Variants in VPS26C observed in about 807,000 individuals in gnomAD.
VPS26C encodes the protein VPS26 endosomal protein sorting factor C, also known as vacuolar protein sorting-associated protein 26C.
Under a neutral mutation model 30.6 loss-of-function variants are expected in VPS26C, and 19 were observed. The ratio of observed to expected loss-of-function variants is 0.62; its 90% CI spans 0.43 to 0.91. The LOEUF (loss-of-function observed/expected upper bound fraction) is 0.91, where lower values mean the gene tolerates loss of function less well. Ranked by LOEUF, VPS26C falls within the 40% of genes least tolerant of loss-of-function variation. The probability of loss-of-function intolerance (pLI) is 0.00; values close to 1 mark genes in which losing one functional copy is unlikely to be tolerated. For synonymous variants in VPS26C, 132 were observed against 151.5 expected (o/e 0.87, Z 0.95); for missense variants, 318 against 385.1 (o/e 0.83, Z 1.46).
At chr21:37,234,098 G>A (rs915872307) in intron 3 of VPS26C, among the ~76,000 whole-genome samples, 2 of 152,238 alleles carry the variant, frequency 1.3e-5, no homozygotes, top group Non-Finnish European at 1.5e-5. Flanking sequence ...GGGCACCAGA[G>A]CCAAGCTCAA....
Position 37,227,635 on chromosome 21 carries a change from G to A in VPS26C, c.811+19C>T. On this transcript the variant is annotated intron_variant, in intron 7 of 7. Transcript: ENST00000309117. ...CCTTCCCATGGGCCCATGAGGGCTG[G>A]GAGGCGAGTGCCACTTACCCACTTT... is the stretch of plus-strand genomic sequence containing the variant. 6.9e-7 allele frequency: 1 copy of A among 1,458,812 alleles called. No homozygotes were observed. The allele number at this position is 1,458,812 out of a possible 1,614,324, so 90.4% of individuals were successfully genotyped here.
At chr21:37,238,736 C>T in intron 2 of VPS26C, 127 bp from the exon 3 acceptor site, 1 of 1,070,932 alleles carries the variant, frequency 9.3e-7, no homozygotes, top group Non-Finnish European at 1.3e-6. Context: ...TCTTCGGCAG[C>T]TCTGCGCTGG....
At chr21:37,241,316 A>G (rs1321869519) in intron 1 of VPS26C, among the ~76,000 whole-genome samples, 3 of 152,182 alleles carry the variant, frequency 2.0e-5, no homozygotes, top group African/African-American at 2.4e-5. Context: ...AGACTTCACA[A>G]CAGATCATCT....
chr21:37,267,351 GGGGCGCCTCCCCGCTTCGTTCT>G (rs554418774), upstream of VPS26C: 1,844 of 1,519,564 alleles, frequency 1.2e-3, 12 homozygotes, highest in African/African-American at 0.018. Context: ...AGGGAAACAA[GGGGCGCCTCCCCGCTTCGTTCT>G]GGGCCCCGCC....
At position 37,232,428 on chromosome 21, in the gene VPS26C, G is replaced by C. The variant is rs761630442; in HGVS notation, c.456C>G (p.Pro152=). The C allele has an allele frequency of 2.8e-5, 45 of 1,614,072 alleles. No homozygotes were observed. In the Admixed American group the frequency reaches 3.3e-4, roughly 12 times the overall value. ...GTGTAATCGTGAAGTCCACGGGACT[G>C]GGAGTAAACTTCCCCTTCTGAGGCT... ...HSAPQKGKFT[P]SPVDFTITPE... The change falls in exon 5 of 8, where the codon CCC becomes CCG. Residue 152 remains proline, a synonymous_variant. Transcript: ENST00000309117.
At chr21:37,235,051 G>C (rs1424803296) in intron 3 of VPS26C, among the ~76,000 whole-genome samples, 1 of 151,722 alleles carries the variant, frequency 6.6e-6, no homozygotes, top group African/African-American at 2.4e-5. Context: ...TTGTTGCTCA[G>C]GCTGGAGTGC....
At chr21:37,238,117 A>C (rs913266318) in intron 3 of VPS26C, 1 of 226,874 alleles carries the variant, frequency 4.4e-6, no homozygotes, top group African/African-American at 2.3e-5. Context: ...TAAGTATAAA[A>C]CAGACAAGTT....
rs1217846251 is a variant in VPS26C at position 37,224,165 on chromosome 21, G to C, written c.*1379C>G. The C allele has an allele frequency of 6.6e-6, 1 of 152,236 alleles. No individual in the cohort carries two copies. Among genetic ancestry groups the C allele is most frequent in the Non-Finnish European group, 1.5e-5 (1 of 68,058 alleles). 9.4% of individuals were successfully genotyped at this position (152,236 alleles called of 1,614,324 possible). A position where few individuals can be genotyped will look rare whatever the true frequency, so the allele number is the denominator to read the frequency against. On this transcript the variant is annotated 3_prime_UTR_variant, in exon 8 of 8. Coordinates refer to ENST00000309117, the MANE Select transcript of VPS26C (RefSeq NM_006052.2). Reference sequence around the variant, plus strand: ...CCCACCCTGCACATGGGTTTCTGCTGTTCAGAACCTACCCAGTAACAACAG... The same window carrying C: ...CCCACCCTGCACATGGGTTTCTGCTCTTCAGAACCTACCCAGTAACAACAG...
chr21:37,258,445 C>T (rs867545627), intron 1 of VPS26C, among the ~76,000 whole-genome samples: 1 of 152,228 alleles, frequency 6.6e-6, no homozygotes, highest in African/African-American at 2.4e-5. Context: ...CCCAGCGCCC[C>T]GAACCTGATG....
At chr21:37,235,879 A>ATATTT (rs1555930580) in intron 3 of VPS26C, among the ~76,000 whole-genome samples, 3 of 111,294 alleles carry the variant, frequency 2.7e-5, no homozygotes, top group Admixed American at 8.8e-5. Context: ...ATATATATAT[A>ATATTT]TTTTTTTTTT....
intron 3 of VPS26C, among the ~76,000 whole-genome samples, chr21:37,238,021 T>C (rs1182984680): frequency 1.3e-5 from 2 of 152,116 alleles, no homozygotes; most frequent in African/African-American, 4.8e-5. Flanking sequence ...ATAATCCACT[T>C]CCCCTCATTG....
intron 1 of VPS26C, chr21:37,266,951 G>A (rs1408723759): frequency 2.6e-6 from 1 of 379,396 alleles, no homozygotes; most frequent in African/African-American, 8.2e-5. Context: ...GTGTTCAAGG[G>A]GCCAGATGGG....
chr21:37,259,404 T>C (rs182390021), intron 1 of VPS26C, among the ~76,000 whole-genome samples: 197 of 152,172 alleles, frequency 1.3e-3, no homozygotes, highest in Middle Eastern at 3.4e-3. Context: ...CTGGCTATGC[T>C]GGGGAGTAAA....
rs559879475 is a variant in VPS26C at position 37,243,399 on chromosome 21, T to C, written c.58-2760A>G. Among the ~76,000 whole-genome samples the C allele has an allele frequency of 2.0e-5, 3 of 152,264 alleles. No homozygotes were observed. The East Asian group carries it at 5.8e-4, about 29-fold the overall frequency. ...AAGAGCCGTAGCTTCTGTCTCATCA[T>C]GGAGGAGGCGCCTGGCCTGGGAAAG... On this transcript the variant is annotated intron_variant, in intron 1 of 7. Transcript: ENST00000309117.
rs2085872382 is a variant in VPS26C at position 37,223,849 on chromosome 21, C to T, written c.*1695G>A. On this transcript the variant is annotated 3_prime_UTR_variant, in exon 8 of 8. Coordinates refer to ENST00000309117, the MANE Select transcript of VPS26C (RefSeq NM_006052.2). Reference sequence around the variant, plus strand: ...TTGGCCTGAGCCTGTTTTGGCCAAGCCCATCCAGAATGAAAAGTACAAAAG... The same window carrying T: ...TTGGCCTGAGCCTGTTTTGGCCAAGTCCATCCAGAATGAAAAGTACAAAAG... 7.4e-6 allele frequency: 1 copy of T among 135,812 alleles called. No individual in the cohort carries two copies. Among genetic ancestry groups the T allele is most frequent in the Admixed American group, 7.1e-5 (1 of 14,102 alleles). 8.4% of individuals were successfully genotyped at this position (135,812 alleles called of 1,614,324 possible).
At chr21:37,265,031 G>C (rs1219623045) in intron 1 of VPS26C, among the ~76,000 whole-genome samples, 1 of 152,204 alleles carries the variant, frequency 6.6e-6, no homozygotes, top group Non-Finnish European at 1.5e-5. Flanking sequence ...AAGCCTGTCA[G>C]TCAAAAGGGC....
rs765738215 is a variant in VPS26C, at chr21:37,238,478, G to T, written c.333C>A (p.Gly111=). ...CTCTCACCTGAATGTTGACAAACAC[G>T]CCATGATACGTCTCATACAGAACTT... ...GNKVLYETYH[G]VFVNIQYTLR... The change falls in exon 3 of 8, where the codon GGC becomes GGA. Residue 111 remains glycine (G), a synonymous_variant. Coordinates refer to ENST00000309117, the MANE Select transcript of VPS26C (RefSeq NM_006052.2). The T allele has an allele frequency of 1.2e-6, 2 of 1,614,116 alleles. No homozygotes were observed. Among genetic ancestry groups the T allele is most frequent in the Non-Finnish European group, 1.7e-6 (2 of 1,179,988 alleles).
At chr21:37,235,400 C>T (rs2086009700) in intron 3 of VPS26C, among the ~76,000 whole-genome samples, 2 of 152,212 alleles carry the variant, frequency 1.3e-5, no homozygotes, top group African/African-American at 4.8e-5. Flanking sequence ...TCCCAAACTG[C>T]TGGGATTACA....
At chr21:37,238,344 A>C in intron 3 of VPS26C, 116 bp downstream of exon 3, 1 of 1,202,696 alleles carries the variant, frequency 8.3e-7, no homozygotes, top group Non-Finnish European at 1.2e-6. Flanking sequence ...GCGAGGTCTC[A>C]GCAATAAACA....
Sources: allele counts gnomAD v4.1 joint callset (sites outside exome capture counted in the v4.1 genomes callset), GRCh38; gene constraint gnomAD v4.1.1; transcripts MANE v1.5; gene names NCBI Gene and HGNC (gene_info 2026-07-23, HGNC 2026-07-21).